The following MYT1L variants were observed in gnomAD, a reference collection of about 807,000 sequenced individuals.
The protein encoded by MYT1L is myelin transcription factor 1-like protein.
A neutral mutation model predicts 126.7 loss-of-function variants in MYT1L; 12 were observed. The ratio of observed to expected loss-of-function variants is 0.09; its 90% CI spans 0.06 to 0.15. The LOEUF (loss-of-function observed/expected upper bound fraction) is 0.15, where lower values mean the gene tolerates loss of function less well. Ranked by LOEUF, MYT1L falls within the 10% of genes least tolerant of loss-of-function variation. The probability of loss-of-function intolerance (pLI) is 1.00; values close to 1 mark genes in which losing one functional copy is unlikely to be tolerated. For missense variants in MYT1L, 979 were observed against 1,585.2 expected, an observed-to-expected ratio of 0.62 and a Z score of 6.49; for synonymous variants, 541 against 604.2, an observed-to-expected ratio of 0.90 and a Z score of 1.53.
chr2:2,016,852 G>A (rs957860656), intron 4 of MYT1L, among the ~76,000 whole-genome samples: 3 of 152,186 alleles, frequency 2.0e-5, no homozygotes, highest in African/African-American at 7.2e-5. Flanking sequence ...TCTGGGCAAC[G>A]GCATTCTGAA....
At chr2:1,856,212 C>T (rs955650095) in intron 18 of MYT1L, among the ~76,000 whole-genome samples, 1 of 152,168 alleles carries the variant, frequency 6.6e-6, no homozygotes, top group African/African-American at 2.4e-5. Context: ...GTTCCTGTTG[C>T]TTTTGCAGAT....
chr2:2,104,707 A>T (rs949319761), intron 3 of MYT1L, among the ~76,000 whole-genome samples: 2 of 152,314 alleles, frequency 1.3e-5, no homozygotes, highest in South Asian at 4.1e-4. Flanking sequence ...AAGCCTCTGA[A>T]TGTTACCTTA....
rs1355015302 is a variant in MYT1L, at chr2:2,107,374, T to C, written c.-303-53251A>G. On this transcript the variant is annotated intron_variant, in intron 3 of 24. Coordinates refer to ENST00000647738, the MANE Select transcript of MYT1L (RefSeq NM_001303052.2). ...CTGCCACAGCTGTTCATGTGCATAT[T>C]GGCTGTGTCTGCTTTTGTGCTACAA... Among the ~76,000 whole-genome samples the C allele has an allele frequency of 2.6e-5, 4 of 152,224 alleles. No homozygotes were observed. The East Asian group carries it at 7.7e-4, about 29-fold the overall frequency.
chr2:1,891,472 A>C lies in MYT1L; in HGVS notation c.2283+565T>G, dbSNP rs945890115. On this transcript the variant is annotated intron_variant, in intron 15 of 24. Transcript: ENST00000647738. ...TGGTTCAATTGATAAGAAAATTAAA[A>C]ATAGACACTCTTCCTATGCCTTTCA... is the stretch of plus-strand genomic sequence containing the variant. Among the ~76,000 whole-genome samples, 3 of 152,340 alleles carry C rather than the reference A, an allele frequency of 2.0e-5. No homozygotes were observed. In the South Asian group the frequency reaches 6.2e-4, roughly 32 times the overall value.
chr2:1,988,553 A>G (rs1369042483), intron 5 of MYT1L, among the ~76,000 whole-genome samples: 1 of 152,246 alleles, frequency 6.6e-6, no homozygotes, highest in East Asian at 1.9e-4. Flanking sequence ...ATACATGTGC[A>G]TGACGGGGTG....
chr2:2,044,882 G>A (rs187636280), intron 4 of MYT1L, among the ~76,000 whole-genome samples: 1 of 152,284 alleles, frequency 6.6e-6, no homozygotes, highest in African/African-American at 2.4e-5. Flanking sequence ...TCACTGAACA[G>A]AATGACATTC....
intron 3 of MYT1L, among the ~76,000 whole-genome samples, chr2:2,133,078 T>C (rs1251704744): frequency 1.3e-5 from 2 of 152,046 alleles, no homozygotes; most frequent in Non-Finnish European, 2.9e-5. Context: ...CCGTCTTCTT[T>C]GGGGGGGACG....
At chr2:1,950,091 C>A (rs1357977306) in intron 8 of MYT1L, among the ~76,000 whole-genome samples, 2 of 151,894 alleles carry the variant, frequency 1.3e-5, no homozygotes, top group Non-Finnish European at 2.9e-5. Flanking sequence ...CTCTCGGTGA[C>A]CCTGTGATGT....
chr2:2,232,734 T>C (rs966003112), intron 2 of MYT1L, among the ~76,000 whole-genome samples: 2 of 152,166 alleles, frequency 1.3e-5, no homozygotes, highest in Non-Finnish European at 2.9e-5. Context: ...GATGATGATA[T>C]ACATTTGAAA....
intron 3 of MYT1L, among the ~76,000 whole-genome samples, chr2:2,064,831 T>C (rs887983604): frequency 1.3e-5 from 2 of 152,248 alleles, no homozygotes; most frequent in African/African-American, 4.8e-5. Flanking sequence ...TTTATTTTCA[T>C]TATGAAATAT....
chr2:2,031,957 C>G (rs1229677825), intron 4 of MYT1L, among the ~76,000 whole-genome samples: 1 of 144,042 alleles, frequency 6.9e-6, no homozygotes, highest in Non-Finnish European at 1.5e-5. Flanking sequence ...AGAAGAAGGG[C>G]CTTATATACA....
chr2:1,985,467 C>A (rs944205520), intron 5 of MYT1L, among the ~76,000 whole-genome samples: 1 of 152,158 alleles, frequency 6.6e-6, no homozygotes, highest in Non-Finnish European at 1.5e-5. Flanking sequence ...TAAAACCCTA[C>A]GTCATAGAAA....
intron 9 of MYT1L, among the ~76,000 whole-genome samples, chr2:1,937,963 C>A (rs1408635821): frequency 2.6e-5 from 4 of 152,174 alleles, no homozygotes; most frequent in Non-Finnish European, 5.9e-5. Context: ...CGGATTTAGC[C>A]CCGTGATCAA....
intron 2 of MYT1L, among the ~76,000 whole-genome samples, chr2:2,218,443 T>C (rs2093757048): frequency 6.6e-6 from 1 of 152,148 alleles, no homozygotes; most frequent in Admixed American, 6.5e-5. Flanking sequence ...AATACCTATG[T>C]TGAGTGCAAG....
At chr2:2,004,778 GC>G (rs2062993075) in intron 4 of MYT1L, among the ~76,000 whole-genome samples, 1 of 148,088 alleles carries the variant, frequency 6.8e-6, no homozygotes, top group African/African-American at 2.5e-5. Context: ...GTTCTTTCCT[GC>G]AGGCATTCTT....
rs2032989332 is a variant in MYT1L at position 1,794,505 on chromosome 2, G to T, written c.3277-2041C>A. Among the ~76,000 whole-genome samples the T allele has an allele frequency of 2.0e-5, 3 of 152,230 alleles. No homozygotes were observed. The South Asian group carries it at 6.2e-4, about 31-fold the overall frequency. On this transcript the variant is annotated intron_variant, in intron 23 of 24. Coordinates refer to ENST00000647738, the MANE Select transcript of MYT1L (RefSeq NM_001303052.2). ...TGGTCTTAGGGGCCCAGAGTAAACGGAAGTCCAACTGCTCCCCCGGCTTAG... is the reference window on the plus strand; with the variant it reads ...TGGTCTTAGGGGCCCAGAGTAAACGTAAGTCCAACTGCTCCCCCGGCTTAG...
chr2:1,853,375 A>AT (rs2043518570), intron 18 of MYT1L, among the ~76,000 whole-genome samples: 1 of 152,230 alleles, frequency 6.6e-6, no homozygotes, highest in Non-Finnish European at 1.5e-5. Flanking sequence ...GTTAGACCTG[A>AT]TTTTTGTTCA....
chr2:2,206,972 A>G (rs2093345866), intron 2 of MYT1L, among the ~76,000 whole-genome samples: 1 of 152,262 alleles, frequency 6.6e-6, no homozygotes. Context: ...TGGAGAAAGC[A>G]TTCCTGCTAG....
At position 2,127,095 on chromosome 2, in the gene MYT1L, CTTTTA is replaced by C. The variant is rs2081808778; in HGVS notation, c.-304+45772_-304+45776del. Reference sequence around the variant, plus strand: ...TTAAATTCTACATGCATTTTTTAAACTTTTATTTTAAGTTCAGGGGCATATGTGCA... The same window carrying C: ...TTAAATTCTACATGCATTTTTTAAACTTTTAAGTTCAGGGGCATATGTGCA... On this transcript the variant is annotated intron_variant, in intron 3 of 24. Transcript: ENST00000647738. 2.0e-5 allele frequency among the ~76,000 whole-genome samples: 3 copies of C among 152,152 alleles called. No homozygotes were observed. The South Asian group carries it at 6.2e-4, about 32-fold the overall frequency.
Sources: allele counts gnomAD v4.1 joint callset (sites outside exome capture counted in the v4.1 genomes callset), GRCh38; gene constraint gnomAD v4.1.1; transcripts MANE v1.5; gene names NCBI Gene and HGNC (gene_info 2026-07-23, HGNC 2026-07-21).